SAMD13: variants seen among roughly 807,000 people sequenced by gnomAD.
SAMD13 encodes sterile alpha motif domain containing 13.
A neutral mutation model predicts 12.4 loss-of-function variants in SAMD13; 9 were observed. That is an observed-to-expected ratio of 0.72 (90% CI 0.44 to 1.26). SAMD13 has a LOEUF of 1.26. Among genes scored for constraint, SAMD13 ranks in the 50% most tolerant of loss-of-function variants. The pLI, the probability that SAMD13 is intolerant of heterozygous loss-of-function variation, is 0.00. For missense variants in SAMD13, 84 were observed against 119.6 expected (o/e 0.70, Z 1.39); for synonymous variants, 46 against 45.4 (o/e 1.01, Z -0.05).
chr1:84,343,623 A>G (rs945771035), intron 3 of SAMD13, among the ~76,000 whole-genome samples: 6 of 152,200 alleles, frequency 3.9e-5, no homozygotes, highest in Non-Finnish European at 5.9e-5. Context: ...CAAACACTGC[A>G]TGTTCTTACT....
intron 3 of SAMD13, among the ~76,000 whole-genome samples, chr1:84,330,536 C>T (rs992505572): frequency 9.2e-5 from 14 of 152,148 alleles, no homozygotes; most frequent in Non-Finnish European, 1.6e-4. Context: ...ATAAAGTTTG[C>T]TTTGTCAGAC....
chr1:84,322,778 T>C (rs1367066258), intron 2 of SAMD13, among the ~76,000 whole-genome samples: 1 of 152,176 alleles, frequency 6.6e-6, no homozygotes, highest in Non-Finnish European at 1.5e-5. Flanking sequence ...TCCACGTTGC[T>C]GCTATTCATG....
rs1156761997 is a variant in SAMD13, at chr1:84,350,014, C to G, written c.*240C>G. ...TCATGGATTTTGTCAAATAGATGAT[C>G]TTTGACACGATTAGACACTCCTCCC... On this transcript the variant is annotated 3_prime_UTR_variant, in exon 4 of 4. Coordinates refer to ENST00000394834, the MANE Select transcript of SAMD13 (RefSeq NM_001134663.2). 2.9e-6 allele frequency: 2 copies of G among 693,560 alleles called. No individual in the cohort carries two copies. The highest frequency in any genetic ancestry group is 2.0e-6 in the Non-Finnish European group (1 of 501,300). 43.0% of individuals were successfully genotyped at this position (693,560 alleles called of 1,614,324 possible).
In SAMD13 at chr1:84,349,705, T is replaced by G. The variant is rs746535252; in HGVS notation, c.240T>G (p.Pro80=). 2.5e-6 allele frequency: 4 copies of G among 1,613,978 alleles called. No individual in the cohort carries two copies. The East Asian group carries it at 6.7e-5, about 27-fold the overall frequency. Residue 80 remains proline, a synonymous_variant, in exon 4 of 4, where the codon CCT becomes CCG. Transcript: ENST00000394834. ...VLTGLQLKLG[P]ALKIYEYHVK... ...CAGGACTTCAGTTAAAATTGGGGCC[T>G]GCTCTGAAAATCTACGAATATCATG...
At chr1:84,298,545 T>C (rs779477631), upstream of SAMD13, 29 of 1,266,274 alleles carry the variant, frequency 2.3e-5, no homozygotes, top group Admixed American at 7.5e-5. Flanking sequence ...GGGGCAAACC[T>C]CCCGGCGCGG....
intron 3 of SAMD13, among the ~76,000 whole-genome samples, chr1:84,336,888 C>T (rs927126111): frequency 1.3e-5 from 2 of 152,178 alleles, no homozygotes; most frequent in African/African-American, 4.8e-5. Flanking sequence ...TATGTAAATA[C>T]AGCCATTCCA....
intron 3 of SAMD13, among the ~76,000 whole-genome samples, chr1:84,334,364 G>A (rs1478210778): frequency 6.6e-6 from 1 of 151,914 alleles, no homozygotes; most frequent in Non-Finnish European, 1.5e-5. Context: ...AGTCTCTGAG[G>A]GTTTTTTAAA....
intron 3 of SAMD13, among the ~76,000 whole-genome samples, chr1:84,331,272 A>T (rs547674469): frequency 6.7e-6 from 1 of 148,182 alleles, no homozygotes; most frequent in East Asian, 2.0e-4. Flanking sequence ...TAGAACAGGG[A>T]CAAATCCAGG....
chr1:84,313,736 T>C (rs1254200858), intron 2 of SAMD13, among the ~76,000 whole-genome samples: 1 of 152,196 alleles, frequency 6.6e-6, no homozygotes, highest in African/African-American at 2.4e-5. Context: ...CCATTTCTTA[T>C]TAATGCCACT....
chr1:84,313,341 G>T (rs1431042414), intron 2 of SAMD13, among the ~76,000 whole-genome samples: 1 of 151,862 alleles, frequency 6.6e-6, no homozygotes. Context: ...TATAAACTTT[G>T]GTACGTGACA....
At chr1:84,338,429 TC>T (rs1159964876) in intron 3 of SAMD13, among the ~76,000 whole-genome samples, 1 of 121,870 alleles carries the variant, frequency 8.2e-6, no homozygotes, top group East Asian at 2.6e-4. Flanking sequence ...GGAACTCATC[TC>T]TCTTTTTTTT....
intron 2 of SAMD13, 31 bp from the exon 3 acceptor site, chr1:84,325,606 C>T (rs1210942651): frequency 7.4e-7 from 1 of 1,352,124 alleles, no homozygotes; most frequent in African/African-American, 1.4e-5. Flanking sequence ...CAGGCACTGC[C>T]ATGACAACTG....
chr1:84,314,011 G>A (rs1678772495), intron 2 of SAMD13, among the ~76,000 whole-genome samples: 1 of 152,104 alleles, frequency 6.6e-6, no homozygotes, highest in Admixed American at 6.6e-5. Context: ...TTTTGCTCAT[G>A]TGAATTAGAG....
chr1:84,327,705 G>A (rs1456866826), intron 3 of SAMD13, among the ~76,000 whole-genome samples: 1 of 152,176 alleles, frequency 6.6e-6, no homozygotes, highest in African/African-American at 2.4e-5. Flanking sequence ...AATTTAAAAT[G>A]CATCAAACAT....
intron 2 of SAMD13, among the ~76,000 whole-genome samples, chr1:84,322,782 A>G (rs979008225): frequency 6.6e-6 from 1 of 151,998 alleles, no homozygotes; most frequent in African/African-American, 2.4e-5. Flanking sequence ...CGTTGCTGCT[A>G]TTCATGGTAC....
chr1:84,314,925 GTTC>G (rs964429323), intron 2 of SAMD13, among the ~76,000 whole-genome samples: 1 of 151,780 alleles, frequency 6.6e-6, no homozygotes, highest in African/African-American at 2.4e-5. Context: ...GTGTGCTATG[GTTC>G]TTCTTTTCCT....
chr1:84,302,921 A>C (rs1270059785), intron 1 of SAMD13: 2 of 279,312 alleles, frequency 7.2e-6, no homozygotes, highest in Non-Finnish European at 1.4e-5. Context: ...AAGCTGTGCC[A>C]GTTCACACAG....
chr1:84,316,584 G>T (rs1417104911), intron 2 of SAMD13, among the ~76,000 whole-genome samples: 1 of 152,048 alleles, frequency 6.6e-6, no homozygotes, highest in African/African-American at 2.4e-5. Flanking sequence ...CTATATGTCA[G>T]TCTTTATGCC....
At chr1:84,345,443 G>A (rs971987630) in intron 3 of SAMD13, among the ~76,000 whole-genome samples, 1 of 152,202 alleles carries the variant, frequency 6.6e-6, no homozygotes, top group African/African-American at 2.4e-5. Flanking sequence ...TGTGCCAGAT[G>A]TTGTGTAAGA....
Sources: allele counts gnomAD v4.1 joint callset (sites outside exome capture counted in the v4.1 genomes callset), GRCh38; gene constraint gnomAD v4.1.1; transcripts MANE v1.5; gene names NCBI Gene and HGNC (gene_info 2026-07-23, HGNC 2026-07-21).